TRAPPC13: variants seen among roughly 807,000 people sequenced by gnomAD.
The protein encoded by TRAPPC13 is trafficking protein particle complex subunit 13.
Under a neutral mutation model 54.0 loss-of-function variants are expected in TRAPPC13, and 39 were observed. The observed-to-expected ratio is 0.72, with a 90% confidence interval of 0.56 to 0.94. The LOEUF (loss-of-function observed/expected upper bound fraction) is 0.94, where lower values mean the gene tolerates loss of function less well. Ranked by LOEUF, TRAPPC13 falls within the 40% of genes least tolerant of loss-of-function variation. TRAPPC13 has a pLI of 0.00. For synonymous variants in TRAPPC13, 148 were observed against 167.7 expected (o/e 0.88, Z 0.91); for missense variants, 386 against 488.1 (o/e 0.79, Z 1.97).
Position 65,652,610 on chromosome 5 carries a change from CTT to C in TRAPPC13, c.546+66_546+67del, listed in dbSNP as rs569188052. The C allele has an allele frequency of 5.5e-4, 635 of 1,156,742 alleles. 12 individuals carry two copies. The East Asian group carries it at 0.015, about 27-fold the overall frequency. 71.7% of individuals were successfully genotyped at this position (1,156,742 alleles called of 1,614,324 possible). The stretch of plus-strand genomic sequence containing the variant: ...TAAGATCGTATTTGACTAAAAATCT[CTT>C]ATATACATTTCTAATACTGAAGCAA... On this transcript the variant is annotated intron_variant, in intron 7 of 12. Transcript: ENST00000399438.
chr5:65,630,366 A>G (rs1581206660), intron 1 of TRAPPC13: 4 of 1,458,322 alleles, frequency 2.7e-6, no homozygotes, highest in South Asian at 1.4e-5. Context: ...GTCAAAAAGA[A>G]TATTCTGAAT....
At chr5:65,644,459 C>G (rs903791840) in intron 4 of TRAPPC13, among the ~76,000 whole-genome samples, 2 of 152,162 alleles carry the variant, frequency 1.3e-5, no homozygotes, top group Non-Finnish European at 2.9e-5. Context: ...TCCTCTTTGC[C>G]TTTTCAAATC....
intron 1 of TRAPPC13, among the ~76,000 whole-genome samples, chr5:65,628,042 G>A (rs1755331034): frequency 6.6e-6 from 1 of 152,098 alleles, no homozygotes; most frequent in Non-Finnish European, 1.5e-5. Flanking sequence ...TTTTTCTGCT[G>A]TTGTTAGGAT....
intron 1 of TRAPPC13, chr5:65,630,024 C>G: frequency 6.5e-7 from 1 of 1,535,946 alleles, no homozygotes; most frequent in Non-Finnish European, 8.7e-7. Flanking sequence ...AAAAACGTTT[C>G]TCCTTTGTCT....
Position 65,660,761 on chromosome 5 carries a change from G to A in TRAPPC13, c.761G>A (p.Cys254Tyr). The A allele has an allele frequency of 1.2e-6, 2 of 1,613,638 alleles. No individual in the cohort carries two copies. The highest frequency in any genetic ancestry group is 1.1e-5 in the South Asian group (1 of 91,046). ...ATGGATACACGCCAGTACTTATACT[G>A]CCTAAAGCCAAAGAATGAATTTGCA... ...QPMDTRQYLY[C>Y]LKPKNEFAEK... Residue 254 changes from cysteine (C) to tyrosine (Y), a missense_variant, in exon 10 of 13, where the codon TGC becomes TAC. By Grantham distance (194) the Cys-to-Tyr change is radical. Transcript: ENST00000399438.
At chr5:65,633,050 A>G (rs1402769253) in intron 1 of TRAPPC13, among the ~76,000 whole-genome samples, 1 of 152,222 alleles carries the variant, frequency 6.6e-6, no homozygotes, top group Admixed American at 6.5e-5. Flanking sequence ...AATATACTGC[A>G]TGATAAATAC....
At chr5:65,642,363 G>T (rs915076331) in intron 4 of TRAPPC13, among the ~76,000 whole-genome samples, 2 of 151,442 alleles carry the variant, frequency 1.3e-5, no homozygotes, top group Non-Finnish European at 2.9e-5. Context: ...TTTTCCCCTG[G>T]TCATTTCTTA....
At chr5:65,639,160 C>T (rs534310370) in intron 4 of TRAPPC13, among the ~76,000 whole-genome samples, 1 of 152,058 alleles carries the variant, frequency 6.6e-6, no homozygotes, top group African/African-American at 2.4e-5. Flanking sequence ...CAGGAAAGAC[C>T]CACCCCCATG....
intron 4 of TRAPPC13, among the ~76,000 whole-genome samples, chr5:65,645,473 G>A (rs1425198460): frequency 3.3e-5 from 5 of 151,988 alleles, no homozygotes; most frequent in African/African-American, 1.2e-4. Context: ...CCATTTCAAA[G>A]TGTCTAACAT....
intron 11 of TRAPPC13, 191 bp from the exon 12 acceptor site, chr5:65,664,046 A>G (rs1445845431): frequency 1.7e-6 from 1 of 582,948 alleles, no homozygotes; most frequent in African/African-American, 1.9e-5. Context: ...AAGTGCTAGA[A>G]GGTGTGACTT....
intron 7 of TRAPPC13, among the ~76,000 whole-genome samples, chr5:65,653,728 G>A (rs1756556759): frequency 6.6e-6 from 1 of 152,158 alleles, no homozygotes; most frequent in African/African-American, 2.4e-5. Context: ...AAATGGACAT[G>A]AAGTATCAAG....
intron 8 of TRAPPC13, 32 bp downstream of exon 8, chr5:65,655,685 C>A: frequency 2.5e-6 from 2 of 811,038 alleles, no homozygotes; most frequent in Middle Eastern, 3.3e-4. Context: ...AATTTTTATA[C>A]TTTTCTTACT....
chr5:65,626,521 A>G (rs1354867282), intron 1 of TRAPPC13, among the ~76,000 whole-genome samples: 2 of 152,092 alleles, frequency 1.3e-5, no homozygotes, highest in Admixed American at 6.6e-5. Context: ...GGTGATCACA[A>G]GGTCAAGAGA....
rs1756971369 is a variant in TRAPPC13 at position 65,664,600 on chromosome 5, G to T, written c.1243G>T (p.Val415Leu). 1.2e-6 allele frequency: 2 copies of T among 1,611,820 alleles called. No homozygotes were observed. The highest frequency in any genetic ancestry group is 2.2e-5 in the East Asian group (1 of 44,848). Residue 415 changes from valine to leucine, a missense_variant, in exon 13 of 13, where the codon GTG (valine) becomes TTG (leucine). Physicochemically the swap from Val to Leu is conservative, Grantham distance 32. Transcript: ENST00000399438. Reference protein sequence around the residue: ...QVCVVSSAIKVES With the variant: ...QVCVVSSAIKLES ...CTGTGTGGTATCTTCTGCCATTAAA[G>T]TGGAAAGCTGAAGGAAACTTCCAAT...
chr5:65,647,636 T>G (rs1756262202), intron 5 of TRAPPC13, among the ~76,000 whole-genome samples: 2 of 152,034 alleles, frequency 1.3e-5, no homozygotes, highest in African/African-American at 4.8e-5. Context: ...AATTCTGTAT[T>G]CCTGCCTTGT....
At chr5:65,651,997 G>A (rs1234074770) in intron 6 of TRAPPC13, among the ~76,000 whole-genome samples, 1 of 151,632 alleles carries the variant, frequency 6.6e-6, no homozygotes, top group African/African-American at 2.4e-5. Flanking sequence ...CCGAGTAGCT[G>A]GGATTACAGG....
At chr5:65,663,680 T>C (rs1010097238) in intron 11 of TRAPPC13, 4 of 152,198 alleles carry the variant, frequency 2.6e-5, no homozygotes, top group Admixed American at 1.3e-4. Context: ...TTTTAACTTA[T>C]TTAAGCTGAA....
At chr5:65,630,277 A>G (rs6874425) in intron 1 of TRAPPC13, 44,513 of 1,534,482 alleles carry the variant, frequency 0.029, 1,232 homozygotes, top group African/African-American at 0.096. Context: ...TTAAAGGAAG[A>G]TTAGCTCTTA....
chr5:65,641,677 T>A (rs1326146365), intron 4 of TRAPPC13, among the ~76,000 whole-genome samples: 1 of 148,048 alleles, frequency 6.8e-6, no homozygotes, highest in Non-Finnish European at 1.5e-5. Flanking sequence ...TGCCACTGCA[T>A]CCTAGCCTGG....
Sources: gnomAD v4.1 joint callset for allele counts (sites outside exome capture counted in the v4.1 genomes callset) on GRCh38, gnomAD v4.1.1 for gene constraint, MANE v1.5 for transcripts, NCBI Gene and HGNC (gene_info 2026-07-23, HGNC 2026-07-21) for gene names.